The following PRKAA2 variants were observed in gnomAD, a reference collection of about 807,000 sequenced individuals.
PRKAA2 encodes the protein protein kinase AMP-activated catalytic subunit alpha 2, also known as 5'-AMP-activated protein kinase catalytic subunit alpha-2.
PRKAA2 carries 40 observed loss-of-function variants against 56.3 expected under a neutral mutation model. The ratio of observed to expected loss-of-function variants is 0.71; its 90% CI spans 0.55 to 0.92. The LOEUF is 0.92. Ranked by LOEUF, PRKAA2 falls within the 40% of genes least tolerant of loss-of-function variation. The pLI is 0.00. For synonymous variants in PRKAA2, 214 were observed against 234.2 expected, an observed-to-expected ratio of 0.91 and a Z score of 0.79; for missense variants, 542 against 686.9, an observed-to-expected ratio of 0.79 and a Z score of 2.36.
At chr1:56,680,823 G>A (rs1165740177) in intron 2 of PRKAA2, among the ~76,000 whole-genome samples, 3 of 152,154 alleles carry the variant, frequency 2.0e-5, no homozygotes, top group Non-Finnish European at 4.4e-5. Flanking sequence ...AAACATACGT[G>A]TGCATGTGTC....
At chr1:56,646,278 G>A (rs1266122576) in intron 1 of PRKAA2, among the ~76,000 whole-genome samples, 1 of 152,112 alleles carries the variant, frequency 6.6e-6, no homozygotes, top group African/African-American at 2.4e-5. Flanking sequence ...GAGGTCTGAA[G>A]GTGTTTGTGT....
intron 2 of PRKAA2, among the ~76,000 whole-genome samples, chr1:56,679,276 A>G (rs900098430): frequency 6.6e-6 from 1 of 152,096 alleles, no homozygotes; most frequent in Non-Finnish European, 1.5e-5. Flanking sequence ...TGCCATCTCT[A>G]TGCTGAAGAT....
chr1:56,703,887 T>C, intron 6 of PRKAA2, 84 bp from the exon 7 acceptor site: 1 of 1,405,974 alleles, frequency 7.1e-7, no homozygotes, highest in Non-Finnish European at 9.7e-7. Flanking sequence ...CTTTTGATTA[T>C]ATTCTATTAT....
chr1:56,701,629 G>T (rs113766899), intron 6 of PRKAA2, among the ~76,000 whole-genome samples: 9,221 of 152,230 alleles, frequency 0.061, 393 homozygotes, highest in Non-Finnish European at 0.096. Flanking sequence ...GGGCGCGGTG[G>T]CTCACACCTG....
chr1:56,682,154 T>C (rs191499209), intron 2 of PRKAA2, among the ~76,000 whole-genome samples: 22 of 152,196 alleles, frequency 1.4e-4, no homozygotes, highest in Middle Eastern at 3.4e-3. Flanking sequence ...CTACTATGGG[T>C]TGGGTGCTGT....
chr1:56,668,828 T>A (rs1211732400), intron 1 of PRKAA2, among the ~76,000 whole-genome samples: 2 of 152,236 alleles, frequency 1.3e-5, no homozygotes, highest in Non-Finnish European at 2.9e-5. Context: ...ATTGGAAATT[T>A]GAAAACTTTT....
At chr1:56,688,143 T>G (rs1321872144) in intron 2 of PRKAA2, among the ~76,000 whole-genome samples, 3 of 152,230 alleles carry the variant, frequency 2.0e-5, no homozygotes, top group African/African-American at 7.2e-5. Flanking sequence ...CCTTTTCCAC[T>G]AAATCCTTAA....
At chr1:56,648,819 A>G (rs532226192) in intron 1 of PRKAA2, among the ~76,000 whole-genome samples, 11 of 152,154 alleles carry the variant, frequency 7.2e-5, no homozygotes, top group Admixed American at 2.0e-4. Context: ...GATGTTGAAC[A>G]TTGTCTCACG....
chr1:56,696,677 T>C (rs1644261004), intron 6 of PRKAA2, among the ~76,000 whole-genome samples: 1 of 152,216 alleles, frequency 6.6e-6, no homozygotes, highest in South Asian at 2.1e-4. Flanking sequence ...GGTGAGATTT[T>C]GTATTTTACA....
intron 2 of PRKAA2, among the ~76,000 whole-genome samples, chr1:56,676,266 G>A (rs1644112508): frequency 6.6e-6 from 1 of 152,180 alleles, no homozygotes; most frequent in African/African-American, 2.4e-5. Context: ...GATCATGTAG[G>A]TGGGCCAAAT....
At chr1:56,662,759 T>G (rs1342011523) in intron 1 of PRKAA2, among the ~76,000 whole-genome samples, 1 of 152,134 alleles carries the variant, frequency 6.6e-6, no homozygotes, top group Non-Finnish European at 1.5e-5. Context: ...AAGGTGTGTG[T>G]GTGTTTTTTT....
chr1:56,692,180 T>C (rs562500602), intron 3 of PRKAA2, among the ~76,000 whole-genome samples, 178 bp from the exon 4 acceptor site: 1 of 152,092 alleles, frequency 6.6e-6, no homozygotes, highest in Non-Finnish European at 1.5e-5. Context: ...TACAGGTGCA[T>C]GTCACCATGC....
In PRKAA2 at chr1:56,707,489, C is replaced by G. The variant is rs1426820195; in HGVS notation, c.1435C>G (p.Gln479Glu). ...FKSIDDEVVE[Q>E]RSGSSTPQRS... ...GTCCATTTCAGATGAAGTAGTGGAG[C>G]AGAGATCTGGTTCCTCAACACCTCA... Residue 479 changes from glutamine (Q) to glutamate (E), a missense_variant, in exon 9 of 9, where the codon CAG (glutamine) becomes GAG (glutamate). Physicochemically the swap from Gln to Glu is conservative, Grantham distance 29. This residue lies in a region of PRKAA2 where 158 missense variants were observed against 166.1 expected (regional missense o/e 0.95). Transcript: ENST00000371244. 1 of 1,614,106 alleles carries G rather than the reference C, an allele frequency of 6.2e-7. No homozygotes were observed. Among genetic ancestry groups the G allele is most frequent in the South Asian group, 1.1e-5 (1 of 91,072 alleles).
intron 2 of PRKAA2, among the ~76,000 whole-genome samples, chr1:56,686,809 G>C (rs375692518): frequency 7.2e-5 from 11 of 151,976 alleles, no homozygotes; most frequent in Admixed American, 6.6e-5. Context: ...AGATTTGGAG[G>C]GGATGAACAT....
chr1:56,665,400 G>A (rs1242990265), intron 1 of PRKAA2, among the ~76,000 whole-genome samples: 2 of 152,140 alleles, frequency 1.3e-5, no homozygotes, highest in African/African-American at 4.8e-5. Flanking sequence ...AAAGTACAAT[G>A]TACGAGTACT....
intron 1 of PRKAA2, among the ~76,000 whole-genome samples, chr1:56,673,677 G>A (rs1232877860): frequency 6.6e-6 from 1 of 152,222 alleles, no homozygotes; most frequent in African/African-American, 2.4e-5. Flanking sequence ...TAGCACCTCT[G>A]TGTACAAAGC....
intron 1 of PRKAA2, chr1:56,671,431 C>T (rs1644076247): frequency 6.6e-6 from 1 of 152,096 alleles, no homozygotes. Flanking sequence ...AACCATTTAA[C>T]TTATTTTAAT....
At position 56,690,265 on chromosome 1, in the gene PRKAA2, G is replaced by A. The variant is rs879423353; in HGVS notation, c.237-1129G>A. 2.0e-5 allele frequency among the ~76,000 whole-genome samples: 3 copies of A among 150,946 alleles called. No individual in the cohort carries two copies. In the Admixed American group the frequency reaches 2.0e-4, roughly 10 times the overall value. ...CGCAAGCTCTGCCTCCCGGGTTCAC[G>A]CCATTCTCCTGCCTCAGCCTCCCGA... On this transcript the variant is annotated intron_variant, in intron 2 of 8. Coordinates refer to ENST00000371244, the MANE Select transcript of PRKAA2 (RefSeq NM_006252.4).
intron 1 of PRKAA2, among the ~76,000 whole-genome samples, chr1:56,670,934 C>T (rs1336916077): frequency 2.0e-5 from 3 of 152,058 alleles, no homozygotes; most frequent in Non-Finnish European, 2.9e-5. Context: ...GGTCTCCCCA[C>T]CCCCCAAAAC....
Sources: gnomAD v4.1 joint callset for allele counts (sites outside exome capture counted in the v4.1 genomes callset) on GRCh38, gnomAD v4.1.1 for gene constraint, gnomAD v4.1.1 regional missense constraint, MANE v1.5 for transcripts, NCBI Gene and HGNC (gene_info 2026-07-23, HGNC 2026-07-21) for gene names.